Variants in NLGN4X observed in about 807,000 individuals in gnomAD.
NLGN4X encodes the protein neuroligin-4, X-linked.
Under a neutral mutation model 40.3 loss-of-function variants are expected in NLGN4X, and 3 were observed. That is an observed-to-expected ratio of 0.07 (90% CI 0.03 to 0.19). NLGN4X has a LOEUF of 0.19. Ranked by LOEUF, NLGN4X falls within the 10% of genes least tolerant of loss-of-function variation. The probability of loss-of-function intolerance (pLI) is 1.00; values close to 1 mark genes in which losing one functional copy is unlikely to be tolerated. For missense variants in NLGN4X, 382 were observed against 708.3 expected (o/e 0.54, Z 5.23); for synonymous variants, 270 against 306.8 (o/e 0.88, Z 1.25).
chrX:6,188,541 G>A (rs1197417478), intron 1 of NLGN4X, among the ~76,000 whole-genome samples: 5 of 106,726 alleles, frequency 4.7e-5, no homozygotes, highest in Admixed American at 2.0e-4. Context: ...TTTTTTAGTC[G>A]TTGATTCCCT....
chrX:6,058,968 T>C lies in NLGN4X; in HGVS notation c.473-29536A>G, dbSNP rs186559607. On this transcript the variant is annotated intron_variant, in intron 2 of 5. Transcript: ENST00000381095. ...CACCTTTCGTCTACTGAAAGATGAA[T>C]CACAAAAATATTTTATAGTGAAGAA... Among the ~76,000 whole-genome samples, 50 of 111,741 alleles carry C rather than the reference T, an allele frequency of 4.5e-4. 2 individuals are homozygous for C. In the Admixed American group the frequency reaches 4.6e-3, roughly 10 times the overall value.
intron 1 of NLGN4X, among the ~76,000 whole-genome samples, chrX:6,185,376 A>G (rs1469473516): frequency 8.9e-6 from 1 of 112,313 alleles, no homozygotes; most frequent in African/African-American, 3.2e-5. Context: ...AGTATAAAAG[A>G]TTAAGAGAAT....
At chrX:6,192,302 A>C (rs1922614880) in intron 1 of NLGN4X, among the ~76,000 whole-genome samples, 1 of 109,952 alleles carries the variant, frequency 9.1e-6, no homozygotes, top group African/African-American at 3.3e-5. Context: ...TAATTTTTAA[A>C]TTTTTTGTAG....
chrX:6,165,095 C>A (rs1047044623), intron 1 of NLGN4X, among the ~76,000 whole-genome samples: 1 of 111,670 alleles, frequency 9.0e-6, no homozygotes, highest in Non-Finnish European at 1.9e-5. Flanking sequence ...CCTCCCCAGA[C>A]AGGAATATTA....
At chrX:6,167,088 A>G (rs1320652885) in intron 1 of NLGN4X, among the ~76,000 whole-genome samples, 197 of 106,493 alleles carry the variant, frequency 1.8e-3, no homozygotes, top group Admixed American at 4.8e-3. Flanking sequence ...AAAAAAAAAA[A>G]AAAGAAAGAA....
chrX:5,941,985 T>G (rs2033962331), intron 3 of NLGN4X, among the ~76,000 whole-genome samples: 1 of 111,835 alleles, frequency 8.9e-6, no homozygotes, highest in South Asian at 3.7e-4. Flanking sequence ...CCAGGCTGGG[T>G]GGCTCACACC....
Position 5,893,402 on chromosome X carries a change from G to A in NLGN4X, c.1866C>T (p.Pro622=), listed in dbSNP as rs947170788. 3 of 1,207,872 alleles carry A rather than the reference G, an allele frequency of 2.5e-6. No individual in the cohort carries two copies. The Admixed American group carries it at 6.6e-5, about 26-fold the overall frequency. The change falls in exon 6 of 6, where the codon CCC becomes CCT. Residue 622 remains proline, a synonymous_variant. Coordinates refer to ENST00000381095, the MANE Select transcript of NLGN4X (RefSeq NM_181332.3). ...KVPPPDMTSF[P]YGTRRSPAKI... ...TGGCGGGAGATCGCCGGGTGCCATA[G>A]GGAAATGATGTCATGTCTGGTGGAG... is the stretch of plus-strand genomic sequence containing the variant.
chrX:5,943,096 C>A (rs778257225), intron 3 of NLGN4X, among the ~76,000 whole-genome samples: 61 of 111,223 alleles, frequency 5.5e-4, no homozygotes, highest in African/African-American at 1.9e-3. Flanking sequence ...TCCAGACAAG[C>A]CATGCAACTT....
intron 1 of NLGN4X, among the ~76,000 whole-genome samples, chrX:6,195,212 T>C (rs896507803): frequency 2.9e-4 from 33 of 112,115 alleles, no homozygotes; most frequent in Non-Finnish European, 4.9e-4. Flanking sequence ...ATATACTAAC[T>C]CTTAATTGTC....
At chrX:6,019,130 C>T (rs1251301962) in intron 3 of NLGN4X, among the ~76,000 whole-genome samples, 1 of 111,931 alleles carries the variant, frequency 8.9e-6, no homozygotes, top group Non-Finnish European at 1.9e-5. Context: ...TATGTTTCAT[C>T]CCCTAGGGTT....
intron 3 of NLGN4X, among the ~76,000 whole-genome samples, chrX:5,924,089 G>A (rs1291477437): frequency 9.0e-6 from 1 of 111,470 alleles, no homozygotes; most frequent in African/African-American, 3.3e-5. Context: ...GCAAGTGATG[G>A]AAAACAGAAT....
chrX:6,067,108 C>A (rs913024827), intron 2 of NLGN4X, among the ~76,000 whole-genome samples: 1 of 108,456 alleles, frequency 9.2e-6, no homozygotes, highest in Non-Finnish European at 1.9e-5. Context: ...GATACAGTCC[C>A]CCCCCCAAAA....
At chrX:5,985,144 T>C (rs1398901595) in intron 3 of NLGN4X, among the ~76,000 whole-genome samples, 1 of 112,381 alleles carries the variant, frequency 8.9e-6, no homozygotes, top group Non-Finnish European at 1.9e-5. Flanking sequence ...TTAGTGATTA[T>C]ATTAAGGATC....
intron 2 of NLGN4X, among the ~76,000 whole-genome samples, chrX:6,115,557 A>G (rs951716420): frequency 6.3e-5 from 7 of 111,901 alleles, no homozygotes; most frequent in African/African-American, 2.3e-4. Flanking sequence ...TTGGCATGGT[A>G]GAACCAAGGA....
At chrX:5,909,267 T>C in intron 3 of NLGN4X, 28 bp from the exon 4 acceptor site, 1 of 1,204,278 alleles carries the variant, frequency 8.3e-7, no homozygotes, top group Admixed American at 2.2e-5. Flanking sequence ...ATATTTTTGG[T>C]GGCCAAATAG....
At chrX:6,079,125 A>C (rs1431571845) in intron 2 of NLGN4X, among the ~76,000 whole-genome samples, 2 of 111,587 alleles carry the variant, frequency 1.8e-5, no homozygotes, top group African/African-American at 3.3e-5. Context: ...ACCCAGTCTC[A>C]GGTATTTTTT....
rs922168931 is a variant in NLGN4X at position 6,010,517 on chromosome X, T to TTATTATTATTATTATTA, written c.625+18746_625+18762dup. Among the ~76,000 whole-genome samples, 358 of 98,848 alleles carry TTATTATTATTATTATTA rather than the reference T, an allele frequency of 3.6e-3. 4 individuals carry two copies. Among genetic ancestry groups the TTATTATTATTATTATTA allele is most frequent in the African/African-American group, 0.013 (340 of 27,120 alleles). 85.8% of individuals were successfully genotyped at this position (98,848 alleles called of 115,157 possible). A position where few individuals can be genotyped will look rare whatever the true frequency, so the allele number is the denominator to read the frequency against. On this transcript the variant is annotated intron_variant, in intron 3 of 5. Transcript: ENST00000381095. The stretch of plus-strand genomic sequence containing the variant: ...ATATCTCAAAGTTCTTTTTATTTTA[T>TTATTATTATTATTATTA]TATTATTATTATTATTATTATTATT...
At chrX:6,203,405 T>C (rs745558179) in intron 1 of NLGN4X, among the ~76,000 whole-genome samples, 28 of 112,329 alleles carry the variant, frequency 2.5e-4, no homozygotes, top group Non-Finnish European at 4.5e-4. Flanking sequence ...AATTAACACC[T>C]TCCTGGAATC....
intron 1 of NLGN4X, chrX:6,187,774 T>G (rs985276317): frequency 8.9e-6 from 1 of 111,990 alleles, no homozygotes; most frequent in Admixed American, 9.5e-5. Context: ...TGTAGGATTT[T>G]GGAGGGGAAT....
Sources: allele counts gnomAD v4.1 joint callset (sites outside exome capture counted in the v4.1 genomes callset), GRCh38; gene constraint gnomAD v4.1.1; transcripts MANE v1.5; gene names NCBI Gene and HGNC (gene_info 2026-07-23, HGNC 2026-07-21).